The following LPGAT1 variants were observed in gnomAD, a reference collection of about 807,000 sequenced individuals.
The protein encoded by LPGAT1 is lysophosphatidylglycerol acyltransferase 1, also known as acyl-CoA:lysophosphatidylglycerol acyltransferase 1.
In LPGAT1, 11 loss-of-function variants were observed where a neutral mutation model predicts 47.5. The ratio of observed to expected loss-of-function variants is 0.23; its 90% confidence interval spans 0.15 to 0.38. The LOEUF (loss-of-function observed/expected upper bound fraction) is 0.38, where lower values mean the gene tolerates loss of function less well. LPGAT1 is among the 10% of genes least tolerant of loss of function. The pLI is 1.00. For missense variants in LPGAT1, 293 were observed against 439.0 expected (o/e 0.67, Z 2.97); for synonymous variants, 138 against 144.2 (o/e 0.96, Z 0.31).
intron 2 of LPGAT1, among the ~76,000 whole-genome samples, chr1:211,809,192 G>A (rs963627390): frequency 3.5e-4 from 53 of 151,594 alleles, no homozygotes; most frequent in African/African-American, 9.4e-4. Context: ...GCGACAGTGC[G>A]AGACTCCAAA....
chr1:211,758,117 T>A (rs1657540080), intron 6 of LPGAT1, among the ~76,000 whole-genome samples: 1 of 152,252 alleles, frequency 6.6e-6, no homozygotes, highest in African/African-American at 2.4e-5. Context: ...CCTGCCATCA[T>A]GTCCATTTGA....
At chr1:211,823,119 A>G (rs1229934019) in intron 2 of LPGAT1, among the ~76,000 whole-genome samples, 1 of 152,206 alleles carries the variant, frequency 6.6e-6, no homozygotes, top group Non-Finnish European at 1.5e-5. Context: ...CTAAAGGTCA[A>G]AATTGGCTCT....
chr1:211,791,787 C>CA (rs1246430082), intron 3 of LPGAT1, among the ~76,000 whole-genome samples: 10 of 130,758 alleles, frequency 7.6e-5, no homozygotes, highest in South Asian at 5.1e-4. Flanking sequence ...AAAAAAAAAA[C>CA]AAAAAAAAAC....
intron 2 of LPGAT1, among the ~76,000 whole-genome samples, chr1:211,800,564 T>C (rs1264466596): frequency 6.6e-6 from 1 of 152,194 alleles, no homozygotes; most frequent in African/African-American, 2.4e-5. Flanking sequence ...TTAGTTTAAG[T>C]TAAACTTGTA....
At chr1:211,804,041 G>A (rs770044355) in intron 2 of LPGAT1, among the ~76,000 whole-genome samples, 13 of 151,994 alleles carry the variant, frequency 8.6e-5, no homozygotes, top group Non-Finnish European at 1.9e-4. Context: ...TTACAGGCGT[G>A]AGCCACCACA....
chr1:211,789,909 AT>A (rs1226347382), intron 3 of LPGAT1, among the ~76,000 whole-genome samples: 2 of 152,026 alleles, frequency 1.3e-5, no homozygotes, highest in African/African-American at 4.8e-5. Context: ...AGAAAACACA[AT>A]TAATCCTTTG....
Position 211,830,419 on chromosome 1 carries a change from C to T in LPGAT1, c.-28+154G>A. On this transcript the variant is annotated intron_variant, in intron 1 of 7. Coordinates refer to ENST00000366997, the MANE Select transcript of LPGAT1 (RefSeq NM_014873.3). This position sits in a 1 kb window ranked among gnomAD's most constrained non-coding sequence, Gnocchi z 5.9. ...GGCGGGCGGATGCCCCGCGCCCCCG[C>T]CTCCTCCCCGGGGCCTACCGCGCCC... 8.5e-7 allele frequency: 1 copy of T among 1,176,160 alleles called. No homozygotes were observed. Among genetic ancestry groups the T allele is most frequent in the Non-Finnish European group, 1.1e-6 (1 of 950,642 alleles). The allele number at this position is 1,176,160 out of a possible 1,614,324, so 72.9% of individuals were successfully genotyped here. A position where few individuals can be genotyped will look rare whatever the true frequency, so the allele number is the denominator to read the frequency against.
rs371097520 is a variant in LPGAT1, at chr1:211,789,803, G to A, written c.358-2076C>T. Among the ~76,000 whole-genome samples the A allele has an allele frequency of 1.7e-4, 26 of 151,750 alleles. No individual in the cohort carries two copies. The East Asian group carries it at 1.9e-3, about 11-fold the overall frequency. On this transcript the variant is annotated intron_variant, in intron 3 of 7. Transcript: ENST00000366997. Reference sequence around the variant, plus strand: ...GGAGAACTGCCTGAACCCAGGAGGCGGAGGTTGCAGTGAGCTGAAATGGCA... The same window carrying A: ...GGAGAACTGCCTGAACCCAGGAGGCAGAGGTTGCAGTGAGCTGAAATGGCA...
intron 3 of LPGAT1, among the ~76,000 whole-genome samples, chr1:211,790,630 T>C (rs979542406): frequency 6.6e-6 from 1 of 152,150 alleles, no homozygotes; most frequent in African/African-American, 2.4e-5. Context: ...TATCAGAGCA[T>C]TATTTAGTAT....
chr1:211,820,067 G>A (rs557666752), intron 2 of LPGAT1, among the ~76,000 whole-genome samples: 1 of 152,132 alleles, frequency 6.6e-6, no homozygotes, highest in East Asian at 1.9e-4. Context: ...AAAGGAAGGA[G>A]TGGAAAGTTC....
chr1:211,823,349 C>A (rs910602509), intron 2 of LPGAT1, among the ~76,000 whole-genome samples: 2 of 152,180 alleles, frequency 1.3e-5, no homozygotes, highest in African/African-American at 4.8e-5. Context: ...CACAAATATA[C>A]ATATTCCATC....
At chr1:211,802,231 T>C (rs986690308) in intron 2 of LPGAT1, among the ~76,000 whole-genome samples, 1 of 152,048 alleles carries the variant, frequency 6.6e-6, no homozygotes, top group African/African-American at 2.4e-5. Context: ...AAAATGTGTA[T>C]GCTTTTCTCT....
intron 5 of LPGAT1, among the ~76,000 whole-genome samples, chr1:211,782,100 C>T (rs79735709): frequency 0.024 from 3,600 of 152,226 alleles, 65 homozygotes; most frequent in Non-Finnish European, 0.03. Flanking sequence ...GAATTCAAAT[C>T]GTTTTCATAA....
In LPGAT1 at chr1:211,744,260, T is replaced by G. The variant is rs1656856507; in HGVS notation, c.*5639A>C. On this transcript the variant is annotated 3_prime_UTR_variant, in exon 8 of 8. Coordinates refer to ENST00000366997, the MANE Select transcript of LPGAT1 (RefSeq NM_014873.3). ...GTGGTGTGCTGGATACAGCCCCTAC[T>G]GATTCCCAAGACCCAGTGGTCACAT... 1 of 152,248 alleles carries G rather than the reference T, an allele frequency of 6.6e-6. No individual in the cohort carries two copies. The highest frequency in any genetic ancestry group is 6.5e-5 in the Admixed American group (1 of 15,286). The allele number at this position is 152,248 out of a possible 1,614,324, so 9.4% of individuals were successfully genotyped here.
At chr1:211,821,598 T>C (rs1278024820) in intron 2 of LPGAT1, among the ~76,000 whole-genome samples, 2 of 152,176 alleles carry the variant, frequency 1.3e-5, no homozygotes, top group East Asian at 1.9e-4. Flanking sequence ...AGTCAATGTA[T>C]AGTCTTAAAG....
chr1:211,814,676 T>C (rs990908047), intron 2 of LPGAT1, among the ~76,000 whole-genome samples: 1 of 152,096 alleles, frequency 6.6e-6, no homozygotes, highest in African/African-American at 2.4e-5. Flanking sequence ...TTTTCCACCT[T>C]AAAAAATAAA....
At position 211,817,580 on chromosome 1, in the gene LPGAT1, A is replaced by G. The variant is rs939270433; in HGVS notation, c.238+11479T>C. Among the ~76,000 whole-genome samples the G allele has an allele frequency of 4.5e-4, 69 of 152,030 alleles. 1 individual carries two copies. Among genetic ancestry groups the G allele is most frequent in the African/African-American group, 1.6e-3 (68 of 41,414 alleles). On this transcript the variant is annotated intron_variant, in intron 2 of 7. Coordinates refer to ENST00000366997, the MANE Select transcript of LPGAT1 (RefSeq NM_014873.3). ...AGTGAGGCTCCATCTCAAAAAAAAA[A>G]AAAGAAAGAAAGAATTTTTAATAAT... is the stretch of plus-strand genomic sequence containing the variant.
intron 2 of LPGAT1, among the ~76,000 whole-genome samples, chr1:211,818,011 T>A (rs1291544260): frequency 6.6e-6 from 1 of 152,048 alleles, no homozygotes; most frequent in East Asian, 1.9e-4. Context: ...ATTTTTGTAT[T>A]TTTAGCAGAG....
chr1:211,782,989 G>A (rs75591012), intron 5 of LPGAT1, among the ~76,000 whole-genome samples: 3,403 of 152,178 alleles, frequency 0.022, 126 homozygotes, highest in African/African-American at 0.077. Context: ...GAATGGCTCC[G>A]TATAAGTAGG....
Sources: allele counts gnomAD v4.1 joint callset (sites outside exome capture counted in the v4.1 genomes callset), GRCh38; gene constraint gnomAD v4.1.1; non-coding constraint Gnocchi (gnomAD v3.1); transcripts MANE v1.5; gene names NCBI Gene and HGNC (gene_info 2026-07-23, HGNC 2026-07-21).